The following NDUFS4 variants were observed in gnomAD, a reference collection of about 807,000 sequenced individuals.
NDUFS4 encodes NADH dehydrogenase [ubiquinone] iron-sulfur protein 4, mitochondrial.
A neutral mutation model predicts 24.3 loss-of-function variants in NDUFS4; 28 were observed. That is an observed-to-expected ratio of 1.15 (90% CI 0.85 to 1.58). NDUFS4 has a LOEUF of 1.58. NDUFS4 is among the 40% of genes most tolerant of loss of function. The probability of loss-of-function intolerance (pLI) is 0.00; values close to 1 mark genes in which losing one functional copy is unlikely to be tolerated. For synonymous variants in NDUFS4, 93 were observed against 69.7 expected (o/e 1.34, Z -1.67); for missense variants, 223 against 207.9 (o/e 1.07, Z -0.45).
chr5:53,645,888 A>T (rs16881588), intron 2 of NDUFS4, among the ~76,000 whole-genome samples: 2 of 152,052 alleles, frequency 1.3e-5, no homozygotes, highest in African/African-American at 4.8e-5. Context: ...TCCTCTGACT[A>T]GTTCGCACTT....
chr5:53,566,585 C>G lies in NDUFS4; in HGVS notation c.98+5825C>G, dbSNP rs151203475. Among the ~76,000 whole-genome samples the G allele has an allele frequency of 1.6e-3, 249 of 152,170 alleles. 1 individual carries two copies. Among genetic ancestry groups the G allele is most frequent in the African/African-American group, 5.5e-3 (228 of 41,504 alleles). On this transcript the variant is annotated intron_variant, in intron 1 of 4. Coordinates refer to ENST00000296684, the MANE Select transcript of NDUFS4 (RefSeq NM_002495.4). ...GGAAATGTAATTGTCTCTTGGTATC[C>G]ATGAAAGATTGGTTCCAGGACTCCT...
intron 4 of NDUFS4, among the ~76,000 whole-genome samples, chr5:53,676,633 T>C (rs1740477765): frequency 6.6e-6 from 1 of 152,122 alleles, no homozygotes; most frequent in African/African-American, 2.4e-5. Flanking sequence ...AAATGCAAAA[T>C]ACTGGCACTA....
chr5:53,585,079 T>TA (rs1420495262), intron 1 of NDUFS4, among the ~76,000 whole-genome samples: 2 of 152,178 alleles, frequency 1.3e-5, no homozygotes, highest in African/African-American at 2.4e-5. Flanking sequence ...GTTTTAAAGT[T>TA]AAAAAATCTT....
Position 53,632,054 on chromosome 5 carries a change from G to A in NDUFS4, c.178-14179G>A, listed in dbSNP as rs185479805. Among the ~76,000 whole-genome samples, 717 of 152,290 alleles carry A rather than the reference G, an allele frequency of 4.7e-3. 3 individuals are homozygous for A. Among genetic ancestry groups the A allele is most frequent in the Non-Finnish European group, 7.1e-3 (486 of 68,032 alleles). Reference sequence around the variant, plus strand: ...GTGGTCTGCACCCACTGTCCAGCCAGTCCCAGTGAGATGAACCAGGTACCT... The same window carrying A: ...GTGGTCTGCACCCACTGTCCAGCCAATCCCAGTGAGATGAACCAGGTACCT... On this transcript the variant is annotated intron_variant, in intron 2 of 4. Transcript: ENST00000296684.
At chr5:53,627,308 G>A (rs1751260063) in intron 2 of NDUFS4, among the ~76,000 whole-genome samples, 1 of 152,146 alleles carries the variant, frequency 6.6e-6, no homozygotes, top group Non-Finnish European at 1.5e-5. Context: ...TAAAAGTCAG[G>A]TAGCATGATA....
At chr5:53,616,182 T>C (rs536679323) in intron 2 of NDUFS4, among the ~76,000 whole-genome samples, 1 of 152,042 alleles carries the variant, frequency 6.6e-6, no homozygotes, top group East Asian at 1.9e-4. Context: ...TTATTTATAA[T>C]GTAAAATATT....
intron 2 of NDUFS4, among the ~76,000 whole-genome samples, chr5:53,645,042 C>T (rs1011755661): frequency 1.3e-5 from 2 of 152,028 alleles, no homozygotes; most frequent in Admixed American, 1.3e-4. Context: ...TACAAATAAA[C>T]ATTAGTCTTC....
chr5:53,585,929 A>G (rs1579838914), intron 1 of NDUFS4, among the ~76,000 whole-genome samples: 2 of 152,142 alleles, frequency 1.3e-5, no homozygotes, highest in African/African-American at 4.8e-5. Context: ...ATTTTAAGCA[A>G]ATTGCCAAGT....
At chr5:53,658,337 A>G (rs923033068) in intron 3 of NDUFS4, among the ~76,000 whole-genome samples, 1 of 152,136 alleles carries the variant, frequency 6.6e-6, no homozygotes, top group Non-Finnish European at 1.5e-5. Context: ...GCAATTATGA[A>G]TTTTATTATT....
chr5:53,621,690 A>ATTTTTTTTTTTTTT (rs58169759), intron 2 of NDUFS4, among the ~76,000 whole-genome samples: 2 of 81,546 alleles, frequency 2.5e-5, no homozygotes, highest in African/African-American at 1.1e-4. Flanking sequence ...CTCATAGTAA[A>ATTTTTTTTTTTTTT]TTTTTTTTTT....
At chr5:53,651,831 T>C (rs1752025752) in intron 3 of NDUFS4, among the ~76,000 whole-genome samples, 1 of 149,862 alleles carries the variant, frequency 6.7e-6, no homozygotes, top group Non-Finnish European at 1.5e-5. Context: ...TGGAGTGCAG[T>C]GGGCGATCTC....
intron 2 of NDUFS4, among the ~76,000 whole-genome samples, chr5:53,643,008 A>T (rs75985779): frequency 2.6e-5 from 4 of 152,166 alleles, no homozygotes; most frequent in Non-Finnish European, 4.4e-5. Flanking sequence ...TATTAGGATA[A>T]TGACATTAAT....
intron 2 of NDUFS4, among the ~76,000 whole-genome samples, chr5:53,605,979 A>G (rs1272911280): frequency 2.1e-5 from 3 of 144,312 alleles, no homozygotes; most frequent in Admixed American, 1.5e-4. Flanking sequence ...GCGCCACTGC[A>G]CTCCGGCCTG....
intron 1 of NDUFS4, among the ~76,000 whole-genome samples, chr5:53,600,006 A>T (rs968173980): frequency 4.6e-5 from 7 of 151,820 alleles, no homozygotes; most frequent in Non-Finnish European, 8.8e-5. Flanking sequence ...TTATTTTATT[A>T]TTATTTTTTG....
chr5:53,666,163 T>A (rs572596510), intron 4 of NDUFS4, among the ~76,000 whole-genome samples: 1 of 152,314 alleles, frequency 6.6e-6, no homozygotes, highest in South Asian at 2.1e-4. Flanking sequence ...TGAAAAACAG[T>A]TCCATTAATT....
intron 4 of NDUFS4, among the ~76,000 whole-genome samples, chr5:53,669,509 C>T (rs556931617): frequency 2.0e-5 from 3 of 152,180 alleles, no homozygotes; most frequent in Admixed American, 2.0e-4. Flanking sequence ...CCTTCACTTG[C>T]ACCTCCCATC....
intron 4 of NDUFS4, among the ~76,000 whole-genome samples, chr5:53,665,240 T>C (rs914493373): frequency 6.6e-6 from 1 of 152,154 alleles, no homozygotes; most frequent in African/African-American, 2.4e-5. Context: ...CTGACCCTAC[T>C]GGGGGGTGCC....
intron 4 of NDUFS4, among the ~76,000 whole-genome samples, chr5:53,670,500 A>G (rs1388763564): frequency 6.6e-6 from 1 of 151,008 alleles, no homozygotes; most frequent in Non-Finnish European, 1.5e-5. Context: ...ACGAAGTAAA[A>G]TATTATAAAA....
At chr5:53,629,148 T>C (rs1180591456) in intron 2 of NDUFS4, among the ~76,000 whole-genome samples, 2 of 152,228 alleles carry the variant, frequency 1.3e-5, no homozygotes, top group Non-Finnish European at 2.9e-5. Flanking sequence ...CCAGTAGTCA[T>C]TCAGGAGGAG....
Sources: allele counts gnomAD v4.1 joint callset (sites outside exome capture counted in the v4.1 genomes callset), GRCh38; gene constraint gnomAD v4.1.1; transcripts MANE v1.5; gene names NCBI Gene and HGNC (gene_info 2026-07-23, HGNC 2026-07-21).